Variants in ATRX observed in about 807,000 individuals in gnomAD.
ATRX encodes the protein chromatin remodeler ATRX.
In ATRX, 12 loss-of-function variants were observed where a neutral mutation model predicts 172.6. The ratio of observed to expected loss-of-function variants is 0.07; its 90% CI spans 0.04 to 0.11. The LOEUF (loss-of-function observed/expected upper bound fraction) is 0.11. ATRX is among the 10% of genes least tolerant of loss of function. ATRX has a pLI of 1.00. For synonymous variants in ATRX, 674 were observed against 594.7 expected, an observed-to-expected ratio of 1.13 and a Z score of -1.94; for missense variants, 1,368 against 1,767.4, an observed-to-expected ratio of 0.77 and a Z score of 4.05.
At chrX:77,662,945 T>A (rs1445811337) in intron 12 of ATRX, among the ~76,000 whole-genome samples, 1 of 112,178 alleles carries the variant, frequency 8.9e-6, no homozygotes, top group Non-Finnish European at 1.9e-5. Context: ...TCCACCCGAC[T>A]TGGCCTCCCA....
chrX:77,766,492 TCA>T (rs1557195904), intron 1 of ATRX, among the ~76,000 whole-genome samples: 1 of 101,806 alleles, frequency 9.8e-6, no homozygotes, highest in Non-Finnish European at 2.0e-5. Context: ...GAGGGTCTCC[TCA>T]CTTCTCAGAC....
At chrX:77,649,192 AAGGAAGGAAGGAAGGG>A (rs1557115488) in intron 15 of ATRX, among the ~76,000 whole-genome samples, 2 of 109,895 alleles carry the variant, frequency 1.8e-5, no homozygotes, top group Non-Finnish European at 3.8e-5. Context: ...GAAAGAAAGG[AAGGAAGGAAGGAAGGG>A]AGGAAGGAAG....
chrX:77,653,556 G>A (rs1370967624), intron 14 of ATRX, among the ~76,000 whole-genome samples: 1 of 111,894 alleles, frequency 8.9e-6, no homozygotes, highest in Admixed American at 9.5e-5. Context: ...GGGATAGAAG[G>A]AAATGGTGTT....
At chrX:77,602,306 G>A (rs2066710118) in intron 22 of ATRX, among the ~76,000 whole-genome samples, 1 of 111,289 alleles carries the variant, frequency 9.0e-6, no homozygotes, top group African/African-American at 3.3e-5. Context: ...CACTGTAGTC[G>A]GCACTTATTT....
intron 15 of ATRX, among the ~76,000 whole-genome samples, chrX:77,650,940 T>A (rs1557116401): frequency 8.9e-6 from 1 of 111,844 alleles, no homozygotes; most frequent in African/African-American, 3.2e-5. Flanking sequence ...GAATTCAGTT[T>A]AATAATGGCA....
intron 28 of ATRX, among the ~76,000 whole-genome samples, chrX:77,564,535 A>G (rs186437460): frequency 4.5e-5 from 5 of 110,590 alleles, no homozygotes; most frequent in Non-Finnish European, 7.6e-5. Context: ...CCAGAAATGC[A>G]CTAATGCACC....
intron 1 of ATRX, among the ~76,000 whole-genome samples, chrX:77,731,887 A>G (rs2074312046): frequency 9.0e-6 from 1 of 110,608 alleles, no homozygotes; most frequent in East Asian, 2.9e-4. Flanking sequence ...TGTCCACTCA[A>G]CCTCATTCTT....
intron 19 of ATRX, among the ~76,000 whole-genome samples, chrX:77,623,617 A>T (rs1376350186): frequency 8.9e-6 from 1 of 111,871 alleles, no homozygotes; most frequent in Non-Finnish European, 1.9e-5. Flanking sequence ...ACTACAGACC[A>T]TTATCCTCAA....
intron 3 of ATRX, among the ~76,000 whole-genome samples, chrX:77,698,253 A>G (rs965623451): frequency 3.6e-5 from 4 of 111,483 alleles, no homozygotes; most frequent in African/African-American, 1.3e-4. Flanking sequence ...CTAGATACCA[A>G]GTTTTGAGAG....
intron 1 of ATRX, among the ~76,000 whole-genome samples, chrX:77,751,611 A>T (rs1464862087): frequency 8.9e-6 from 1 of 111,827 alleles, no homozygotes; most frequent in Non-Finnish European, 1.9e-5. Flanking sequence ...CCTGAACGGT[A>T]TTGCCTAGGT....
At position 77,776,518 on chromosome X, in the gene ATRX, T is replaced by C. The variant is rs143596815; in HGVS notation, c.20+9464A>G. On this transcript the variant is annotated intron_variant, in intron 1 of 34. Transcript: ENST00000373344. ...TGTGCAATTAACACCATAGAACTCA[T>C]AGGAAAAATGAGGTTAGAAGCACAA... Among the ~76,000 whole-genome samples the C allele has an allele frequency of 9.9e-3, 1,110 of 112,034 alleles. 9 individuals carry two copies. The highest frequency in any genetic ancestry group is 0.017 in the Non-Finnish European group (889 of 53,194).
At chrX:77,663,086 G>T (rs144831818) in intron 12 of ATRX, among the ~76,000 whole-genome samples, 1 of 110,888 alleles carries the variant, frequency 9.0e-6, no homozygotes, top group Admixed American at 9.6e-5. Flanking sequence ...TCACTCTGTC[G>T]CCCAGGCTGC....
In ATRX at chrX:77,521,325, A is replaced by G; in HGVS notation, c.7071+78T>C. The stretch of plus-strand genomic sequence containing the variant: ...AATCAATTTATAAGAAGGAACAATT[A>G]AAAATTTAAAAAAATGGCAGTAGGG... On this transcript the variant is annotated intron_variant, in intron 33 of 34. Coordinates refer to ENST00000373344, the MANE Select transcript of ATRX (RefSeq NM_000489.6). The G allele has an allele frequency of 3.8e-6, 3 of 781,797 alleles. No individual in the cohort carries two copies. In the South Asian group the frequency reaches 6.5e-5, roughly 17 times the overall value. 64.4% of individuals were successfully genotyped at this position (781,797 alleles called of 1,213,427 possible).
At chrX:77,659,633 T>G (rs1426180721) in intron 12 of ATRX, among the ~76,000 whole-genome samples, 1 of 109,686 alleles carries the variant, frequency 9.1e-6, no homozygotes, top group East Asian at 2.8e-4. Flanking sequence ...CATTATCACA[T>G]CTGAAAAAAA....
chrX:77,730,812 C>T (rs782738862), intron 1 of ATRX, among the ~76,000 whole-genome samples: 22 of 110,419 alleles, frequency 2.0e-4, no homozygotes, highest in African/African-American at 6.6e-4. Flanking sequence ...CATACCAAAA[C>T]CTATGGGATA....
chrX:77,692,891 GT>G (rs781923756), intron 6 of ATRX, among the ~76,000 whole-genome samples: 10 of 97,755 alleles, frequency 1.0e-4, no homozygotes, highest in Admixed American at 5.5e-4. Flanking sequence ...GTGTGTGTGT[GT>G]TTTAATTTTT....
At chrX:77,596,864 G>A (rs1347895542) in intron 25 of ATRX, 1 of 110,998 alleles carries the variant, frequency 9.0e-6, no homozygotes, top group Non-Finnish European at 1.9e-5. Flanking sequence ...ATACTCTTAC[G>A]TAACCCATTT....
intron 28 of ATRX, among the ~76,000 whole-genome samples, chrX:77,573,916 A>C (rs2065509532): frequency 9.0e-6 from 1 of 111,619 alleles, no homozygotes. Context: ...GAAACAACTC[A>C]AATGTCCCTC....
chrX:77,529,110 A>C (rs782314831), intron 30 of ATRX, among the ~76,000 whole-genome samples: 6 of 111,983 alleles, frequency 5.4e-5, no homozygotes, highest in Non-Finnish European at 7.5e-5. Context: ...AAGAATAGAG[A>C]AAAAAGAATG....
Sources: gnomAD v4.1 joint callset for allele counts (sites outside exome capture counted in the v4.1 genomes callset) on GRCh38, gnomAD v4.1.1 for gene constraint, MANE v1.5 for transcripts, NCBI Gene and HGNC (gene_info 2026-07-23, HGNC 2026-07-21) for gene names.